Variants in TNRC6B observed in about 807,000 individuals in gnomAD.
The protein encoded by TNRC6B is trinucleotide repeat-containing gene 6B protein.
Under a neutral mutation model 203.6 loss-of-function variants are expected in TNRC6B, and 52 were observed. The ratio of observed to expected loss-of-function variants is 0.26; its 90% confidence interval spans 0.20 to 0.32. TNRC6B has a LOEUF of 0.32. TNRC6B is among the 10% of genes least tolerant of loss of function. TNRC6B has a pLI of 1.00. For synonymous variants in TNRC6B, 838 were observed against 845.7 expected (o/e 0.99, Z 0.16); for missense variants, 1,923 against 2,286.2 (o/e 0.84, Z 3.24).
chr22:40,296,465 G>T (rs1382409374), intron 12 of TNRC6B, among the ~76,000 whole-genome samples: 2 of 151,422 alleles, frequency 1.3e-5, no homozygotes, highest in African/African-American at 4.9e-5. Flanking sequence ...CCGAGTAGCT[G>T]GGACTACAGG....
At chr22:40,067,884 C>T (rs1469534342) in intron 1 of TNRC6B, among the ~76,000 whole-genome samples, 2 of 152,160 alleles carry the variant, frequency 1.3e-5, no homozygotes, top group African/African-American at 4.8e-5. Context: ...AGCAATGCTT[C>T]ACCAGCCATC....
chr22:40,074,444 A>G (rs938493944), intron 1 of TNRC6B, among the ~76,000 whole-genome samples: 9 of 151,674 alleles, frequency 5.9e-5, no homozygotes, highest in African/African-American at 1.9e-4. Flanking sequence ...CCAGGATTCA[A>G]GACCAGCCTG....
chr22:40,186,118 C>T (rs1324973564), intron 1 of TNRC6B, among the ~76,000 whole-genome samples: 2 of 151,796 alleles, frequency 1.3e-5, no homozygotes, highest in Non-Finnish European at 1.5e-5. Context: ...CACCATGGGA[C>T]TGTAAAGAAT....
intron 1 of TNRC6B, among the ~76,000 whole-genome samples, chr22:40,227,075 A>T (rs961067916): frequency 7.3e-6 from 1 of 137,072 alleles, no homozygotes; most frequent in Non-Finnish European, 1.6e-5. Flanking sequence ...ACACCCAGCT[A>T]ATTATTATTA....
chr22:40,178,186 A>T (rs776733349), intron 1 of TNRC6B, 46 bp downstream of exon 1: 3 of 1,606,830 alleles, frequency 1.9e-6, no homozygotes. Context: ...ATTTATATGG[A>T]TCTTGTCTAA....
At chr22:40,175,687 T>G (rs2069049603), upstream of TNRC6B, among the ~76,000 whole-genome samples, 1 of 152,222 alleles carries the variant, frequency 6.6e-6, no homozygotes. Flanking sequence ...ATAGACTAAA[T>G]AATCAGAATT....
At chr22:40,060,340 G>A (rs546906405) in intron 1 of TNRC6B, among the ~76,000 whole-genome samples, 2 of 151,852 alleles carry the variant, frequency 1.3e-5, no homozygotes, top group Admixed American at 6.6e-5. Context: ...CACCACACCC[G>A]GCTAATTTTT....
chr22:40,200,411 C>T (rs944187291), intron 1 of TNRC6B, among the ~76,000 whole-genome samples: 5 of 149,448 alleles, frequency 3.3e-5, no homozygotes, highest in Non-Finnish European at 7.4e-5. Context: ...CTCAGCCTCC[C>T]GAGTAGCTGG....
chr22:40,078,353 G>A (rs1335870097), intron 1 of TNRC6B, among the ~76,000 whole-genome samples: 1 of 152,008 alleles, frequency 6.6e-6, no homozygotes, highest in Non-Finnish European at 1.5e-5. Context: ...GAGAGAGCCT[G>A]TCTCTACAAA....
intron 1 of TNRC6B, among the ~76,000 whole-genome samples, chr22:40,075,178 T>C (rs1270592802): frequency 2.6e-5 from 3 of 114,484 alleles, no homozygotes; most frequent in African/African-American, 1.1e-4. Flanking sequence ...TTTTTTTTTT[T>C]TCTTACTGAT....
chr22:40,055,886 G>C (rs1310651171), intron 1 of TNRC6B, among the ~76,000 whole-genome samples: 1 of 152,194 alleles, frequency 6.6e-6, no homozygotes, highest in Admixed American at 6.5e-5. Flanking sequence ...ATATGTTCTG[G>C]GAAAGACAGT....
rs188778184 is a variant in TNRC6B at position 40,150,708 on chromosome 22, G to A, written c.46-5407G>A. 6.7e-4 allele frequency among the ~76,000 whole-genome samples: 102 copies of A among 152,312 alleles called. 1 individual carries two copies. The highest frequency in any genetic ancestry group is 2.3e-3 in the African/African-American group (95 of 41,568). On this transcript the variant is annotated intron_variant, in intron 3 of 23. Coordinates refer to the TNRC6B transcript ENST00000301923. ...TAAAAGGCTACATGCTGACATATGA[G>A]ACTTTACCAGCTCTTCCCAAATTCA... is the stretch of plus-strand genomic sequence containing the variant.
rs1359142196 is a variant in TNRC6B, at chr22:40,333,529, C to A, written c.*10288C>A. On this transcript the variant is annotated 3_prime_UTR_variant, in exon 23 of 23. Coordinates refer to ENST00000454349, the MANE Select transcript of TNRC6B (RefSeq NM_001162501.2). The stretch of plus-strand genomic sequence containing the variant: ...AGCTCTCAACCTTTCTTGGTTCAGA[C>A]ACACACATACACACCCCTTGAGTAA... 6.6e-6 allele frequency: 1 copy of A among 152,628 alleles called. No homozygotes were observed. 9.5% of individuals were successfully genotyped at this position (152,628 alleles called of 1,614,324 possible).
intron 2 of TNRC6B, among the ~76,000 whole-genome samples, chr22:40,249,198 C>T (rs2070150436): frequency 6.6e-6 from 1 of 152,148 alleles, no homozygotes; most frequent in South Asian, 2.1e-4. Context: ...CTGTAAGTTT[C>T]TTGGTTTTAT....
chr22:40,180,014 T>C (rs2069111937), intron 1 of TNRC6B, among the ~76,000 whole-genome samples: 1 of 152,228 alleles, frequency 6.6e-6, no homozygotes, highest in East Asian at 1.9e-4. Context: ...AATTTTTTGA[T>C]GATATAAATT....
At chr22:40,222,714 TTC>T (rs1555890997) in intron 1 of TNRC6B, among the ~76,000 whole-genome samples, 162 of 144,972 alleles carry the variant, frequency 1.1e-3, no homozygotes, top group African/African-American at 3.8e-3. Context: ...TCTTGCTGTA[TTC>T]TCTCTCTCTC....
In TNRC6B at chr22:40,201,388, A is replaced by C. The variant is rs568255547; in HGVS notation, c.5+23248A>C. Among the ~76,000 whole-genome samples the C allele has an allele frequency of 2.0e-5, 3 of 152,000 alleles. No homozygotes were observed. The South Asian group carries it at 6.2e-4, about 32-fold the overall frequency. The stretch of plus-strand genomic sequence containing the variant: ...TTTTTCTCTGCTCAAGGGTTGGCCT[A>C]CTAAAGTTGTTTTTATGTGGTGTTT... On this transcript the variant is annotated intron_variant, in intron 1 of 22. Transcript: ENST00000454349.
At chr22:40,217,702 C>T (rs1017442874) in intron 1 of TNRC6B, among the ~76,000 whole-genome samples, 2 of 152,070 alleles carry the variant, frequency 1.3e-5, no homozygotes, top group African/African-American at 2.4e-5. Context: ...AGGCCTGGTG[C>T]GGTGGCTCAC....
chr22:40,242,207 T>C (rs1201639620), intron 1 of TNRC6B, among the ~76,000 whole-genome samples: 1 of 132,350 alleles, frequency 7.6e-6, no homozygotes, highest in African/African-American at 2.5e-5. Flanking sequence ...TGTGTGTGTG[T>C]GTGCATGCGC....
Sources: gnomAD v4.1 joint callset for allele counts (sites outside exome capture counted in the v4.1 genomes callset) on GRCh38, gnomAD v4.1.1 for gene constraint, MANE v1.5 for transcripts, NCBI Gene and HGNC (gene_info 2026-07-23, HGNC 2026-07-21) for gene names.